MALRD1: variants seen among roughly 807,000 people sequenced by gnomAD.
MALRD1 encodes MAM and LDL receptor class A domain containing 1, also known as MAM and LDL-receptor class A domain-containing protein 1.
In MALRD1, 247 loss-of-function variants were observed where a neutral mutation model predicts 242.1. That is an observed-to-expected ratio of 1.02 (90% confidence interval 0.92 to 1.13). The LOEUF is 1.13. Among genes scored for constraint, MALRD1 ranks in the 50% most tolerant of loss-of-function variants. MALRD1 has a pLI of 0.00. For missense variants in MALRD1, 2,989 were observed against 2,533.1 expected (o/e 1.18, Z -3.86); for synonymous variants, 995 against 866.6 (o/e 1.15, Z -2.60).
chr10:19,341,870 G>A (rs1843896943), intron 24 of MALRD1, among the ~76,000 whole-genome samples: 1 of 151,936 alleles, frequency 6.6e-6, no homozygotes, highest in South Asian at 2.1e-4. Context: ...TGTCGTTTGG[G>A]TTCTATAAAT....
intron 21 of MALRD1, among the ~76,000 whole-genome samples, chr10:19,311,439 T>C (rs910956193): frequency 6.6e-5 from 10 of 151,430 alleles, no homozygotes; most frequent in African/African-American, 2.4e-4. Flanking sequence ...TTAAATTAAA[T>C]ACAAAATTTT....
At chr10:19,531,590 T>G (rs560072377) in intron 32 of MALRD1, among the ~76,000 whole-genome samples, 1 of 152,298 alleles carries the variant, frequency 6.6e-6, no homozygotes, top group African/African-American at 2.4e-5. Flanking sequence ...TGTATGGTAT[T>G]TAAAAGATTA....
At chr10:19,227,167 A>G (rs903568409) in intron 18 of MALRD1, among the ~76,000 whole-genome samples, 1 of 151,658 alleles carries the variant, frequency 6.6e-6, no homozygotes. Context: ...TTTTTTTTTA[A>G]TGCGGAAGTC....
At chr10:19,468,529 CACTG>C (rs1836339344) in intron 29 of MALRD1, among the ~76,000 whole-genome samples, 2 of 151,930 alleles carry the variant, frequency 1.3e-5, no homozygotes, top group African/African-American at 4.8e-5. Flanking sequence ...TGAGTTGAGT[CACTG>C]ACTGAAAGTT....
chr10:19,321,646 C>T (rs1459534697), intron 21 of MALRD1, among the ~76,000 whole-genome samples: 1 of 152,056 alleles, frequency 6.6e-6, no homozygotes, highest in Non-Finnish European at 1.5e-5. Flanking sequence ...GAACTATTCC[C>T]TTCTAGCCAC....
At chr10:19,728,613 C>T (rs964755748) in intron 38 of MALRD1, 2 of 152,280 alleles carry the variant, frequency 1.3e-5, no homozygotes, top group African/African-American at 4.8e-5. Flanking sequence ...TTTCCTCCTG[C>T]TTCCTGATTT....
At chr10:19,447,079 C>G (rs1244264852) in intron 28 of MALRD1, among the ~76,000 whole-genome samples, 2 of 130,854 alleles carry the variant, frequency 1.5e-5, no homozygotes, top group Admixed American at 7.7e-5. Context: ...GACACACACA[C>G]ACACACACAC....
chr10:19,324,586 A>C (rs1843037448), intron 22 of MALRD1, among the ~76,000 whole-genome samples: 1 of 134,996 alleles, frequency 7.4e-6, no homozygotes, highest in African/African-American at 2.9e-5. Context: ...TATACACTTC[A>C]CTCAGAGATC....
chr10:19,056,696 T>G (rs1036080361), intron 1 of MALRD1, among the ~76,000 whole-genome samples: 21 of 152,206 alleles, frequency 1.4e-4, no homozygotes, highest in African/African-American at 4.6e-4. Context: ...GCCTAAATAT[T>G]CTGGCTAGGA....
At chr10:19,653,080 AT>A (rs1180401300) in intron 36 of MALRD1, among the ~76,000 whole-genome samples, 3 of 152,182 alleles carry the variant, frequency 2.0e-5, no homozygotes, top group Non-Finnish European at 4.4e-5. Context: ...CTAGCAGTCT[AT>A]TGTACAAATC....
intron 1 of MALRD1, among the ~76,000 whole-genome samples, chr10:19,062,603 C>T (rs1020717624): frequency 2.6e-5 from 4 of 152,136 alleles, no homozygotes; most frequent in Non-Finnish European, 5.9e-5. Context: ...AGACGTTATG[C>T]TAAGTGAAAT....
intron 38 of MALRD1, chr10:19,710,491 A>G (rs905076428): frequency 1.3e-5 from 2 of 152,228 alleles, no homozygotes; most frequent in South Asian, 2.1e-4. Flanking sequence ...TACATGCAAC[A>G]TATCAGGAAC....
chr10:19,233,839 A>C (rs1838186144), intron 18 of MALRD1, among the ~76,000 whole-genome samples: 1 of 130,726 alleles, frequency 7.6e-6, no homozygotes, highest in Admixed American at 9.0e-5. Context: ...TTTTTTCTCC[A>C]ATTGGTTTCT....
intron 31 of MALRD1, among the ~76,000 whole-genome samples, chr10:19,530,445 A>ATT (rs1370145335): frequency 5.3e-5 from 3 of 56,348 alleles, no homozygotes; most frequent in South Asian, 5.6e-4. Flanking sequence ...TATAATATAT[A>ATT]ATATATAATA....
At chr10:19,482,456 G>A (rs1837035122) in intron 29 of MALRD1, among the ~76,000 whole-genome samples, 1 of 151,938 alleles carries the variant, frequency 6.6e-6, no homozygotes, top group Non-Finnish European at 1.5e-5. Flanking sequence ...GAAATAAAAG[G>A]CATCCAAATA....
rs182339325 is a variant in MALRD1, at chr10:19,140,842, A to T, written c.1411+4061A>T. On this transcript the variant is annotated intron_variant, in intron 10 of 39. Transcript: ENST00000454679. ...AAAGATACAAATTTTCACTTACAAGATGAATAAGTTCTGGGAGTCTAGTGT... is the reference window on the plus strand; with the variant it reads ...AAAGATACAAATTTTCACTTACAAGTTGAATAAGTTCTGGGAGTCTAGTGT... Among the ~76,000 whole-genome samples the T allele has an allele frequency of 4.6e-5, 7 of 152,240 alleles. No individual in the cohort carries two copies. In the East Asian group the frequency reaches 1.4e-3, roughly 29 times the overall value.
chr10:19,335,536 C>T (rs1015458836), intron 24 of MALRD1, among the ~76,000 whole-genome samples: 1 of 151,732 alleles, frequency 6.6e-6, no homozygotes, highest in Non-Finnish European at 1.5e-5. Context: ...CTAATTTGAC[C>T]CAGAAGAAGA....
intron 36 of MALRD1, among the ~76,000 whole-genome samples, chr10:19,676,372 G>C (rs1419691497): frequency 6.6e-6 from 1 of 152,186 alleles, no homozygotes; most frequent in African/African-American, 2.4e-5. Flanking sequence ...GGACAAAGTA[G>C]CCTAGAGATA....
At chr10:19,342,012 A>C (rs572089079) in intron 24 of MALRD1, among the ~76,000 whole-genome samples, 82 of 152,204 alleles carry the variant, frequency 5.4e-4, no homozygotes, top group African/African-American at 1.9e-3. Context: ...AGCGTTCTCT[A>C]ATTTCCAAGT....
Sources: gnomAD v4.1 joint callset for allele counts (sites outside exome capture counted in the v4.1 genomes callset) on GRCh38, gnomAD v4.1.1 for gene constraint, MANE v1.5 for transcripts, NCBI Gene and HGNC (gene_info 2026-07-23, HGNC 2026-07-21) for gene names.